The following DLG2 variants were observed in gnomAD, a reference collection of about 807,000 sequenced individuals.
DLG2 encodes discs large MAGUK scaffold protein 2.
A neutral mutation model predicts 132.5 loss-of-function variants in DLG2; 45 were observed. The ratio of observed to expected loss-of-function variants is 0.34; its 90% confidence interval spans 0.27 to 0.44. The LOEUF is 0.44. DLG2 is among the 20% of genes least tolerant of loss of function. The pLI is 1.00. For missense variants in DLG2, 1,045 were observed against 1,196.9 expected (o/e 0.87, Z 1.87); for synonymous variants, 424 against 419.6 (o/e 1.01, Z -0.13).
chr11:84,842,176 A>T (rs552117198), intron 6 of DLG2, among the ~76,000 whole-genome samples: 6 of 152,018 alleles, frequency 3.9e-5, no homozygotes, highest in Non-Finnish European at 8.8e-5. Context: ...AGATGAGGAA[A>T]TCTAACCTTC....
chr11:83,614,669 G>A (rs886759676), intron 19 of DLG2, among the ~76,000 whole-genome samples: 14 of 151,968 alleles, frequency 9.2e-5, no homozygotes, highest in Admixed American at 3.3e-4. Flanking sequence ...GCAGTGAGCC[G>A]TGATCACACC....
At chr11:83,678,447 A>C (rs1485051811) in intron 18 of DLG2, among the ~76,000 whole-genome samples, 1 of 152,162 alleles carries the variant, frequency 6.6e-6, no homozygotes, top group East Asian at 1.9e-4. Context: ...CCTGCACTAC[A>C]AAAGACCTTT....
intron 6 of DLG2, among the ~76,000 whole-genome samples, chr11:84,699,356 C>T (rs1754104675): frequency 6.6e-6 from 1 of 151,412 alleles, no homozygotes; most frequent in Non-Finnish European, 1.5e-5. Context: ...GATGCACAGG[C>T]TAAATATAAT....
chr11:84,463,109 T>G (rs2154486304), intron 7 of DLG2, among the ~76,000 whole-genome samples: 1 of 151,278 alleles, frequency 6.6e-6, no homozygotes, highest in South Asian at 2.1e-4. Context: ...ACAATCTGGA[T>G]CTGAGAGAGG....
rs757638614 is a variant in DLG2, at chr11:83,462,024, T to G, written c.2799A>C (p.Gln933His). ...KTYDRAIKLE[Q>H]EFGEYFTAIV... ...TACCTGTAAAATATTCTCCAAATTC[T>G]TGTTCTAGCTTAATTGCTCGATCAT... Residue 933 changes from glutamine to histidine, a missense_variant, in exon 27 of 28, where the codon CAA becomes CAC. Physicochemically the swap from Gln to His is conservative, Grantham distance 24. Transcript: ENST00000376104. The G allele has an allele frequency of 1.2e-6, 2 of 1,611,814 alleles. No individual in the cohort carries two copies. Among genetic ancestry groups the G allele is most frequent in the Non-Finnish European group, 1.7e-6 (2 of 1,177,996 alleles).
chr11:83,905,647 T>C (rs1199483076), intron 15 of DLG2, among the ~76,000 whole-genome samples: 4 of 152,190 alleles, frequency 2.6e-5, no homozygotes, highest in Admixed American at 2.6e-4. Flanking sequence ...ATATGTTTTA[T>C]GGACCACTTA....
intron 19 of DLG2, among the ~76,000 whole-genome samples, chr11:83,622,135 C>T (rs2061728560): frequency 6.6e-6 from 1 of 152,040 alleles, no homozygotes; most frequent in South Asian, 2.1e-4. Flanking sequence ...ACCATGTTGC[C>T]CAGGCTGGTC....
chr11:84,615,818 TAAAAA>T (rs559199428), intron 6 of DLG2, among the ~76,000 whole-genome samples: 8 of 67,640 alleles, frequency 1.2e-4, no homozygotes, highest in Admixed American at 1.1e-3. Flanking sequence ...ACAAAAACGG[TAAAAA>T]AAAAAAAAAA....
intron 6 of DLG2, among the ~76,000 whole-genome samples, chr11:85,068,437 G>A (rs555870154): frequency 5.9e-5 from 9 of 152,042 alleles, no homozygotes; most frequent in African/African-American, 2.2e-4. Context: ...TAAGCTGATA[G>A]GCAACTTCAG....
chr11:83,940,852 C>T (rs1049925525), intron 14 of DLG2, among the ~76,000 whole-genome samples: 11 of 152,220 alleles, frequency 7.2e-5, no homozygotes, highest in East Asian at 3.9e-4. Flanking sequence ...TAGGGCCTTA[C>T]GAGTATTAGA....
intron 3 of DLG2, among the ~76,000 whole-genome samples, chr11:85,378,564 AT>A (rs2085619234): frequency 6.6e-6 from 1 of 152,130 alleles, no homozygotes. Context: ...AAATATATAT[AT>A]AGATAGATGT....
intron 3 of DLG2, among the ~76,000 whole-genome samples, chr11:85,436,105 C>T (rs975935147): frequency 4.6e-5 from 7 of 152,132 alleles, no homozygotes; most frequent in African/African-American, 9.7e-5. Flanking sequence ...ACTGGTTAGC[C>T]ATACGCAGGG....
intron 12 of DLG2, among the ~76,000 whole-genome samples, chr11:83,974,491 G>C (rs539709406): frequency 1.4e-4 from 21 of 151,966 alleles, no homozygotes; most frequent in Middle Eastern, 3.4e-3. Flanking sequence ...TAAGAAGAAG[G>C]CTCCATGATA....
In DLG2 at chr11:85,154,666, T is replaced by C; in HGVS notation, c.187-15A>G. 7.8e-7 allele frequency: 1 copy of C among 1,288,714 alleles called. No individual in the cohort carries two copies. The highest frequency in any genetic ancestry group is 1.4e-5 in the South Asian group (1 of 74,018). The allele number at this position is 1,288,714 out of a possible 1,614,324, so 79.8% of individuals were successfully genotyped here. The stretch of plus-strand genomic sequence containing the variant: ...CAATCTGTAAGCTAAAATAAAAGTT[T>C]AAAAAATCAATACTCCTTTTTTATT... On this transcript the variant is annotated splice_polypyrimidine_tract_variant and intron_variant, in intron 4 of 27. Coordinates refer to ENST00000376104, the MANE Select transcript of DLG2 (RefSeq NM_001142699.3).
intron 6 of DLG2, among the ~76,000 whole-genome samples, chr11:84,671,773 G>A (rs1475163125): frequency 6.6e-6 from 1 of 152,122 alleles, no homozygotes; most frequent in Non-Finnish European, 1.5e-5. Flanking sequence ...CTGAAAATTC[G>A]TCTGAGTCAG....
At chr11:84,295,558 C>T (rs1432156144) in intron 7 of DLG2, among the ~76,000 whole-genome samples, 1 of 152,150 alleles carries the variant, frequency 6.6e-6, no homozygotes, top group East Asian at 1.9e-4. Flanking sequence ...TCGGAGCTGA[C>T]ACAGTGAAAC....
intron 26 of DLG2, among the ~76,000 whole-genome samples, chr11:83,462,392 T>G (rs187756048): frequency 6.6e-6 from 1 of 152,316 alleles, no homozygotes; most frequent in African/African-American, 2.4e-5. Context: ...TCCTCCATGG[T>G]AGGCCCTAGG....
intron 8 of DLG2, among the ~76,000 whole-genome samples, chr11:84,213,003 G>C (rs931683110): frequency 5.3e-5 from 8 of 152,140 alleles, no homozygotes; most frequent in Non-Finnish European, 1.2e-4. Flanking sequence ...GTTCCCGTCT[G>C]AAAATCCATG....
At chr11:85,253,883 G>A (rs1353462608) in intron 4 of DLG2, among the ~76,000 whole-genome samples, 2 of 152,114 alleles carry the variant, frequency 1.3e-5, no homozygotes, top group African/African-American at 4.8e-5. Flanking sequence ...GCCATCCAAG[G>A]CTGGACTCCT....
Sources: gnomAD v4.1 joint callset for allele counts (sites outside exome capture counted in the v4.1 genomes callset) on GRCh38, gnomAD v4.1.1 for gene constraint, MANE v1.5 for transcripts, NCBI Gene and HGNC (gene_info 2026-07-23, HGNC 2026-07-21) for gene names.